The following LOC400499 variants were observed in gnomAD, a reference collection of about 807,000 sequenced individuals.
chr16:11,453,167 A>G, the LOC400499 span, among the ~76,000 whole-genome samples: 1 of 152,174 alleles, frequency 6.6e-6, no homozygotes, highest in African/African-American at 2.4e-5. Context: ...TCTCTGTTTC[A>G]GCGGGTCTCT....
the LOC400499 span, among the ~76,000 whole-genome samples, chr16:11,381,560 C>CAA: frequency 6.6e-6 from 1 of 152,210 alleles, no homozygotes; most frequent in Non-Finnish European, 1.5e-5. Flanking sequence ...ATCTCTCTTG[C>CAA]AAATACTCTG....
At chr16:11,433,649 T>A in the LOC400499 span, among the ~76,000 whole-genome samples, 12 of 152,160 alleles carry the variant, frequency 7.9e-5, no homozygotes, top group Non-Finnish European at 1.6e-4. Context: ...CAAGCCATGA[T>A]TAGAGGTTGG....
At chr16:11,392,955 G>A in the LOC400499 span, among the ~76,000 whole-genome samples, 3 of 152,128 alleles carry the variant, frequency 2.0e-5, no homozygotes, top group East Asian at 3.9e-4. Flanking sequence ...CCGGGTTCAC[G>A]CCATTCTCCT....
At chr16:11,458,520 A>AG in the LOC400499 span, among the ~76,000 whole-genome samples, 14 of 151,302 alleles carry the variant, frequency 9.3e-5, no homozygotes, top group African/African-American at 3.2e-4. Context: ...AAAAAAAAAA[A>AG]GACAAACGGT....
the LOC400499 span, among the ~76,000 whole-genome samples, chr16:11,439,840 C>T: frequency 6.6e-6 from 1 of 151,968 alleles, no homozygotes; most frequent in Non-Finnish European, 1.5e-5. Context: ...GTTGCCTGTT[C>T]ATGCCTCCCA....
At chr16:11,516,233 G>C in the LOC400499 span, 2 of 399,712 alleles carry the variant, frequency 5.0e-6, no homozygotes, top group Non-Finnish European at 8.8e-6. Context: ...GCGTGGCTCA[G>C]TGGGATGGGG....
chr16:11,431,049 C>T, the LOC400499 span: 1 of 399,128 alleles, frequency 2.5e-6, no homozygotes, highest in East Asian at 3.6e-5. Flanking sequence ...CTTGAAGTGT[C>T]TCCTTCTGCT....
the LOC400499 span, among the ~76,000 whole-genome samples, chr16:11,434,777 G>A: frequency 6.6e-6 from 1 of 152,216 alleles, no homozygotes; most frequent in African/African-American, 2.4e-5. Flanking sequence ...CTGAGGCACA[G>A]AAGGGCGAGT....
At chr16:11,393,575 C>T in the LOC400499 span, 3 of 1,232,348 alleles carry the variant, frequency 2.4e-6, no homozygotes, top group Non-Finnish European at 3.0e-6. Flanking sequence ...AGGGGGAAGG[C>T]AGAGGCCTGA....
At chr16:11,411,147 T>C in the LOC400499 span, 26 of 398,558 alleles carry the variant, frequency 6.5e-5, 2 homozygotes, top group African/African-American at 2.3e-4. Flanking sequence ...GGTGAACAGA[T>C]GTGCATGTAT....
the LOC400499 span, among the ~76,000 whole-genome samples, chr16:11,516,826 T>C: frequency 1.2e-4 from 19 of 152,066 alleles, no homozygotes; most frequent in African/African-American, 4.6e-4. Flanking sequence ...TTTAAACCTT[T>C]TGTAGAGATA....
chr16:11,412,719 C>G, the LOC400499 span: 1 of 396,534 alleles, frequency 2.5e-6, no homozygotes, highest in Non-Finnish European at 4.4e-6. Flanking sequence ...GCCTCCCTGC[C>G]CTTGTTTATG....
the LOC400499 span, among the ~76,000 whole-genome samples, chr16:11,466,014 T>G: frequency 1.3e-5 from 2 of 152,158 alleles, no homozygotes; most frequent in African/African-American, 2.4e-5. Flanking sequence ...GGCAGAATAT[T>G]TGTAAGAGCA....
the LOC400499 span, chr16:11,384,237 C>A: frequency 8.1e-7 from 1 of 1,232,362 alleles, no homozygotes; most frequent in African/African-American, 1.5e-5. Context: ...GGCTGAGCTC[C>A]TCCAGGCTGC....
At chr16:11,453,744 G>C in the LOC400499 span, among the ~76,000 whole-genome samples, 1 of 151,810 alleles carries the variant, frequency 6.6e-6, no homozygotes, top group Non-Finnish European at 1.5e-5. Context: ...GAGGCAGGAC[G>C]ATCACTTGAG....
chr16:11,409,996 G>A, the LOC400499 span, among the ~76,000 whole-genome samples: 2 of 152,104 alleles, frequency 1.3e-5, no homozygotes, highest in Admixed American at 1.3e-4. Flanking sequence ...CTCCCGGAAT[G>A]GAGCCAGGTG....
At chr16:11,488,061 G>A in the LOC400499 span, among the ~76,000 whole-genome samples, 1 of 150,776 alleles carries the variant, frequency 6.6e-6, no homozygotes, top group Admixed American at 6.6e-5. Context: ...AGGTTGCAGT[G>A]AGACAAGATT....
chr16:11,444,439 C>A, the LOC400499 span, among the ~76,000 whole-genome samples: 1 of 152,250 alleles, frequency 6.6e-6, no homozygotes, highest in South Asian at 2.1e-4. Context: ...GCAACTACAG[C>A]CCCTGGTCCA....
the LOC400499 span, chr16:11,392,863 T>C: frequency 7.4e-6 from 7 of 941,328 alleles, no homozygotes; most frequent in Non-Finnish European, 8.9e-6. Context: ...TGTTTTTGTT[T>C]TACTTTTTGA....
Sources: gnomAD v4.1 joint callset for allele counts (sites outside exome capture counted in the v4.1 genomes callset) on GRCh38, gnomAD v4.1.1 for gene constraint, MANE v1.5 for transcripts.